The following ITSN1 variants were observed in gnomAD, a reference collection of about 807,000 sequenced individuals.
ITSN1 encodes intersectin 1.
ITSN1 carries 58 observed loss-of-function variants against 239.8 expected under a neutral mutation model. The ratio of observed to expected loss-of-function variants is 0.24; its 90% CI spans 0.20 to 0.30. The LOEUF (loss-of-function observed/expected upper bound fraction) is 0.30, where lower values mean the gene tolerates loss of function less well. Among genes scored for constraint, ITSN1 ranks in the 10% least tolerant of loss-of-function variants. The pLI is 1.00. For synonymous variants in ITSN1, 780 were observed against 770.8 expected, an observed-to-expected ratio of 1.01 and a Z score of -0.20; for missense variants, 1,558 against 2,103.3, an observed-to-expected ratio of 0.74 and a Z score of 5.07.
chr21:33,772,405 A>G, intron 12 of ITSN1, 82 bp downstream of exon 12: 7 of 1,466,456 alleles, frequency 4.8e-6, no homozygotes, highest in Non-Finnish European at 6.4e-6. Flanking sequence ...TATTCACGCC[A>G]TCTTTGTCTT....
At chr21:33,675,266 T>C (rs1027214694) in intron 1 of ITSN1, among the ~76,000 whole-genome samples, 1 of 152,034 alleles carries the variant, frequency 6.6e-6, no homozygotes, top group Non-Finnish European at 1.5e-5. Context: ...AAAGAGCATG[T>C]AAAAATCTTG....
At chr21:33,883,886 T>G (rs868839258) in intron 36 of ITSN1, among the ~76,000 whole-genome samples, 16 of 149,064 alleles carry the variant, frequency 1.1e-4, no homozygotes, top group South Asian at 6.4e-4. Flanking sequence ...CAAACTAATT[T>G]TGCTTGAGTT....
intron 1 of ITSN1, among the ~76,000 whole-genome samples, chr21:33,680,864 T>C (rs79865670): frequency 0.044 from 6,725 of 152,320 alleles, 497 homozygotes; most frequent in African/African-American, 0.15. Flanking sequence ...CCCTTGCTCG[T>C]AGGTTATTTA....
At chr21:33,652,544 AATAAAG>A (rs1232544762) in intron 1 of ITSN1, among the ~76,000 whole-genome samples, 1 of 152,018 alleles carries the variant, frequency 6.6e-6, no homozygotes, top group Non-Finnish European at 1.5e-5. Flanking sequence ...TTTGCTTTTT[AATAAAG>A]ATAGGTAAAA....
chr21:33,760,350 T>C (rs2068223958), intron 8 of ITSN1, among the ~76,000 whole-genome samples: 1 of 152,216 alleles, frequency 6.6e-6, no homozygotes, highest in African/African-American at 2.4e-5. Context: ...TTATACTCTC[T>C]TTCATGACCT....
At chr21:33,857,364 A>C (rs1423019062) in intron 30 of ITSN1, among the ~76,000 whole-genome samples, 1 of 152,186 alleles carries the variant, frequency 6.6e-6, no homozygotes, top group African/African-American at 2.4e-5. Context: ...CCCTGACCTG[A>C]GTGATGCCTC....
Position 33,722,665 on chromosome 21 carries a change from T to G in ITSN1, c.185+14T>G. 2 of 1,554,676 alleles carry G rather than the reference T, an allele frequency of 1.3e-6. No individual in the cohort carries two copies. The highest frequency in any genetic ancestry group is 4.6e-5 in the East Asian group (2 of 43,078). On this transcript the variant is annotated intron_variant, in intron 4 of 39. Transcript: ENST00000381318. ...AGCACAGATATGGTAAGTTGGAATT[T>G]TACATGAAATTTTACATAAGCATAA...
chr21:33,863,369 G>A (rs1412035301), intron 31 of ITSN1, among the ~76,000 whole-genome samples: 1 of 152,190 alleles, frequency 6.6e-6, no homozygotes, highest in African/African-American at 2.4e-5. Flanking sequence ...CAGGCCAGCG[G>A]CCGGGGCCGG....
chr21:33,741,139 G>T (rs889951718), intron 5 of ITSN1, among the ~76,000 whole-genome samples: 2 of 152,170 alleles, frequency 1.3e-5, no homozygotes, highest in Non-Finnish European at 2.9e-5. Flanking sequence ...TGTCTTGAAG[G>T]TTAACTGGTT....
At chr21:33,690,815 G>GTA (rs1188283621) in intron 1 of ITSN1, among the ~76,000 whole-genome samples, 249 of 11,056 alleles carry the variant, frequency 0.023, 14 homozygotes, top group East Asian at 0.059. Context: ...ATATATATAT[G>GTA]TATATATATA....
chr21:33,731,418 G>A (rs1466509927), intron 4 of ITSN1, among the ~76,000 whole-genome samples: 1 of 152,154 alleles, frequency 6.6e-6, no homozygotes, highest in African/African-American at 2.4e-5. Flanking sequence ...TTAAATAGTT[G>A]CGTATCTTTT....
chr21:33,713,203 T>C (rs1048320587), intron 1 of ITSN1, among the ~76,000 whole-genome samples: 1 of 151,848 alleles, frequency 6.6e-6, no homozygotes, highest in Admixed American at 6.6e-5. Flanking sequence ...ATTTAATGTG[T>C]TGGATATGTG....
intron 11 of ITSN1, among the ~76,000 whole-genome samples, chr21:33,769,322 AT>A (rs2147754188): frequency 6.6e-6 from 1 of 152,336 alleles, no homozygotes; most frequent in African/African-American, 2.4e-5. Flanking sequence ...GCCGTTTATT[AT>A]ATGCCTCCTA....
intron 29 of ITSN1, chr21:33,838,462 C>G (rs1267091456): frequency 3.1e-6 from 3 of 981,442 alleles, no homozygotes; most frequent in Non-Finnish European, 3.6e-6. Context: ...TGAATTAGTT[C>G]CGTGTATAGA....
chr21:33,684,732 A>C (rs771064925), intron 1 of ITSN1, among the ~76,000 whole-genome samples: 9 of 152,194 alleles, frequency 5.9e-5, no homozygotes, highest in Non-Finnish European at 8.8e-5. Context: ...GACATATAAG[A>C]GAGAAAACAT....
chr21:33,819,363 A>G (rs2073502347), intron 24 of ITSN1, 40 bp downstream of exon 24: 1 of 1,421,696 alleles, frequency 7.0e-7, no homozygotes, highest in Admixed American at 1.7e-5. Context: ...AGAAGGGTCA[A>G]GGACATTGTG....
chr21:33,660,723 T>C (rs1213695144), intron 1 of ITSN1, among the ~76,000 whole-genome samples: 2 of 152,240 alleles, frequency 1.3e-5, no homozygotes, highest in Non-Finnish European at 2.9e-5. Flanking sequence ...TTTGTGATAC[T>C]GTACCAAAAC....
At position 33,875,382 on chromosome 21, in the gene ITSN1, C is replaced by T. The variant is rs756814425; in HGVS notation, c.4202C>T (p.Pro1401Leu). 8.3e-6 allele frequency: 13 copies of T among 1,565,620 alleles called. No individual in the cohort carries two copies. The highest frequency in any genetic ancestry group is 4.7e-5 in the East Asian group (2 of 42,528). ...CTGGAAAACACCCCTGAAAACCACC[C>T]GGACCACAGCCACTTGAAGCACGCC... ...NILENTPENH[P>L]DHSHLKHALE... The change falls in exon 34 of 40, where the codon CCG becomes CTG. Residue 1401 changes from proline to leucine, a missense_variant. Around this residue, in one of 2 missense-constraint regions of ITSN1, gnomAD observed 576 missense variants for 893.3 expected, o/e 0.64. Transcript: ENST00000381318.
At chr21:33,701,286 A>G (rs1048971899) in intron 1 of ITSN1, among the ~76,000 whole-genome samples, 22 of 152,036 alleles carry the variant, frequency 1.4e-4, no homozygotes, top group African/African-American at 5.3e-4. Flanking sequence ...TTTTTTGTAG[A>G]GACGGGGTTT....
Sources: allele counts gnomAD v4.1 joint callset (sites outside exome capture counted in the v4.1 genomes callset), GRCh38; gene constraint gnomAD v4.1.1; regional missense constraint gnomAD v4.1.1; transcripts MANE v1.5; gene names NCBI Gene and HGNC (gene_info 2026-07-23, HGNC 2026-07-21).